Variants in ZNF385B observed in about 807,000 individuals in gnomAD.
The protein encoded by ZNF385B is zinc finger protein 533.
ZNF385B carries 23 observed loss-of-function variants against 39.2 expected under a neutral mutation model. That is an observed-to-expected ratio of 0.59 (90% CI 0.42 to 0.83). The LOEUF (loss-of-function observed/expected upper bound fraction) is 0.83, where lower values mean the gene tolerates loss of function less well. ZNF385B is among the 40% of genes least tolerant of loss of function. The pLI is 0.00. For missense variants in ZNF385B, 552 were observed against 598.9 expected (o/e 0.92, Z 0.82); for synonymous variants, 205 against 222.6 (o/e 0.92, Z 0.70).
chr2:179,803,583 T>A (rs1271940480), intron 1 of ZNF385B, among the ~76,000 whole-genome samples: 1 of 152,204 alleles, frequency 6.6e-6, no homozygotes, highest in Non-Finnish European at 1.5e-5. Context: ...ATAAGATTTA[T>A]AAACTGTGCA....
chr2:179,834,228 T>C (rs1277058369), intron 1 of ZNF385B, among the ~76,000 whole-genome samples: 1 of 152,168 alleles, frequency 6.6e-6, no homozygotes, highest in Non-Finnish European at 1.5e-5. Context: ...TAAACATAGC[T>C]AGTTCCCAGA....
At chr2:179,461,636 T>G (rs2024014840) in intron 6 of ZNF385B, among the ~76,000 whole-genome samples, 1 of 152,230 alleles carries the variant, frequency 6.6e-6, no homozygotes, top group Admixed American at 6.5e-5. Flanking sequence ...CATTTTTGAC[T>G]GATTGAGTCA....
At chr2:179,750,683 T>C (rs1037943042) in intron 3 of ZNF385B, among the ~76,000 whole-genome samples, 1 of 152,140 alleles carries the variant, frequency 6.6e-6, no homozygotes, top group African/African-American at 2.4e-5. Flanking sequence ...GATTGTATAA[T>C]AATTATTCTA....
intron 3 of ZNF385B, among the ~76,000 whole-genome samples, chr2:179,696,325 A>AATTTTTTTTTT: frequency 1.0e-4 from 1 of 9,838 alleles, no homozygotes; most frequent in Non-Finnish European, 2.6e-4. Context: ...ACAAACTGGG[A>AATTTTTTTTTT]CTTTTTTTTT....
rs533015825 is a variant in ZNF385B at position 179,856,047 on chromosome 2, G to T, written c.-155+5054C>A. Among the ~76,000 whole-genome samples the T allele has an allele frequency of 1.2e-4, 18 of 152,216 alleles. No homozygotes were observed. The South Asian group carries it at 3.7e-3, about 32-fold the overall frequency. The stretch of plus-strand genomic sequence containing the variant: ...TCTCCATCCAGGCTGGAAAGGGGGA[G>T]ATTTTTAAAATACTGACATATTAAA... On this transcript the variant is annotated intron_variant, in intron 1 of 9. Coordinates refer to ENST00000410066, the MANE Select transcript of ZNF385B (RefSeq NM_152520.6).
At chr2:179,733,782 C>A (rs1258387823) in intron 3 of ZNF385B, among the ~76,000 whole-genome samples, 1,823 of 102,570 alleles carry the variant, frequency 0.018, no homozygotes, top group Admixed American at 0.027. Context: ...GACTCCGTCT[C>A]AAAAAAAAAA....
At chr2:179,562,732 C>T (rs955791996) in intron 3 of ZNF385B, 11 of 263,478 alleles carry the variant, frequency 4.2e-5, no homozygotes, top group African/African-American at 2.5e-4. Context: ...TCAAAAACTA[C>T]CACTCTGTCA....
chr2:179,668,390 C>T (rs1331910445), intron 3 of ZNF385B, among the ~76,000 whole-genome samples: 2 of 152,208 alleles, frequency 1.3e-5, no homozygotes. Context: ...CCCTCATATT[C>T]TCCTTTATCA....
rs187743751 is a variant in ZNF385B at position 179,590,527 on chromosome 2, T to G, written c.299-45558A>C. On this transcript the variant is annotated intron_variant, in intron 3 of 9. Transcript: ENST00000410066. ...GATTCTTTTTCTGCACTCCTGAGAA[T>G]TTTACGTGTTTAATGCTACACAAAT... Among the ~76,000 whole-genome samples, 330 of 152,342 alleles carry G rather than the reference T, an allele frequency of 2.2e-3. 1 individual carries two copies. The highest frequency in any genetic ancestry group is 6.9e-3 in the African/African-American group (289 of 41,586).
intron 3 of ZNF385B, among the ~76,000 whole-genome samples, chr2:179,567,936 A>G (rs1684784328): frequency 6.6e-6 from 1 of 152,176 alleles, no homozygotes; most frequent in Non-Finnish European, 1.5e-5. Flanking sequence ...GGTCTCCGAC[A>G]TTTGGTTCTC....
chr2:179,635,355 T>C (rs9750251), intron 3 of ZNF385B, among the ~76,000 whole-genome samples: 131,434 of 140,878 alleles, frequency 0.93, 61,311 homozygotes, highest in East Asian at 1. Context: ...GGACACAGAG[T>C]GAGGAACATC....
chr2:179,655,161 A>T (rs979731356), intron 3 of ZNF385B, among the ~76,000 whole-genome samples: 1 of 152,194 alleles, frequency 6.6e-6, no homozygotes, highest in Non-Finnish European at 1.5e-5. Context: ...TGTTGCCTAC[A>T]TACAGTATTC....
chr2:179,794,916 G>C (rs1288585665), intron 1 of ZNF385B, among the ~76,000 whole-genome samples: 10 of 152,114 alleles, frequency 6.6e-5, no homozygotes, highest in Non-Finnish European at 1.3e-4. Context: ...TGTAAAGATA[G>C]GATCTGAAGC....
At chr2:179,792,396 CAG>C (rs1705393601) in intron 1 of ZNF385B, among the ~76,000 whole-genome samples, 1 of 65,978 alleles carries the variant, frequency 1.5e-5, no homozygotes, top group South Asian at 4.5e-4. Flanking sequence ...TTTTTTGAGA[CAG>C]AGTTTTGCTC....
intron 3 of ZNF385B, among the ~76,000 whole-genome samples, chr2:179,745,509 T>C (rs1244670571): frequency 6.6e-6 from 1 of 152,176 alleles, no homozygotes. Flanking sequence ...AAGAAAGGGA[T>C]GGTTATCACA....
intron 3 of ZNF385B, among the ~76,000 whole-genome samples, chr2:179,569,163 C>T (rs182783165): frequency 2.6e-5 from 4 of 152,238 alleles, no homozygotes; most frequent in Admixed American, 6.5e-5. Flanking sequence ...AGCAGGCAAG[C>T]GTCAGAGCTG....
intron 6 of ZNF385B, among the ~76,000 whole-genome samples, chr2:179,458,462 G>A (rs949381376): frequency 1.3e-5 from 2 of 152,086 alleles, no homozygotes; most frequent in African/African-American, 4.8e-5. Context: ...CATGAAAATG[G>A]ACTAATACAG....
At chr2:179,697,056 G>A (rs998062527) in intron 3 of ZNF385B, among the ~76,000 whole-genome samples, 1 of 152,136 alleles carries the variant, frequency 6.6e-6, no homozygotes, top group African/African-American at 2.4e-5. Context: ...AGAGATCTTC[G>A]GGGTGTGTGG....
intron 3 of ZNF385B, among the ~76,000 whole-genome samples, chr2:179,681,080 G>GT (rs11371583): frequency 0.51 from 70,402 of 138,888 alleles, 17,094 homozygotes; most frequent in South Asian, 0.62. Flanking sequence ...TTAAACAACT[G>GT]TTTTTTTTTT....
Sources: allele counts gnomAD v4.1 joint callset (sites outside exome capture counted in the v4.1 genomes callset), GRCh38; gene constraint gnomAD v4.1.1; transcripts MANE v1.5; gene names NCBI Gene and HGNC (gene_info 2026-07-23, HGNC 2026-07-21).